The following ZNF804B variants were observed in gnomAD, a reference collection of about 807,000 sequenced individuals.
The protein encoded by ZNF804B is zinc finger 804B.
ZNF804B carries 80 observed loss-of-function variants against 101.4 expected under a neutral mutation model. The observed-to-expected ratio is 0.79, with a 90% CI of 0.66 to 0.95. The LOEUF (loss-of-function observed/expected upper bound fraction) is 0.95, where lower values mean the gene tolerates loss of function less well. ZNF804B is among the 40% of genes least tolerant of loss of function. ZNF804B has a pLI of 0.00. For synonymous variants in ZNF804B, 622 were observed against 558.8 expected (o/e 1.11, Z -1.59); for missense variants, 1,673 against 1,561.9 (o/e 1.07, Z -1.20).
chr7:89,108,550 G>T (rs941212710), intron 1 of ZNF804B, among the ~76,000 whole-genome samples: 3 of 152,056 alleles, frequency 2.0e-5, no homozygotes, highest in Non-Finnish European at 4.4e-5. Flanking sequence ...CAATCTCACA[G>T]GTCATCTCTG....
intron 2 of ZNF804B, among the ~76,000 whole-genome samples, chr7:89,300,617 AAGTC>A (rs1790456989): frequency 6.6e-6 from 1 of 151,882 alleles, no homozygotes; most frequent in Non-Finnish European, 1.5e-5. Flanking sequence ...TCATAGAAAA[AAGTC>A]AGCATAGCTG....
Position 89,173,901 on chromosome 7 carries a change from A to G in ZNF804B, c.109-44254A>G, listed in dbSNP as rs545034026. Among the ~76,000 whole-genome samples the G allele has an allele frequency of 3.5e-4, 53 of 152,034 alleles. 2 individuals carry two copies. In the South Asian group the frequency reaches 0.01, roughly 30 times the overall value. Reference sequence around the variant, plus strand: ...TATTACAGAACTCTAACAATATTCTATTTATCTTTTTTAATGTTCAAATGA... The same window carrying G: ...TATTACAGAACTCTAACAATATTCTGTTTATCTTTTTTAATGTTCAAATGA... On this transcript the variant is annotated intron_variant, in intron 1 of 3. Coordinates refer to ENST00000333190, the MANE Select transcript of ZNF804B (RefSeq NM_181646.5).
chr7:89,228,169 T>C (rs1789124563), intron 2 of ZNF804B, among the ~76,000 whole-genome samples: 1 of 152,130 alleles, frequency 6.6e-6, no homozygotes, highest in Admixed American at 6.5e-5. Flanking sequence ...GTGGTCTCTC[T>C]GGCTCAGGAG....
intron 2 of ZNF804B, among the ~76,000 whole-genome samples, chr7:89,254,110 A>G (rs955028628): frequency 6.6e-6 from 1 of 152,026 alleles, no homozygotes; most frequent in African/African-American, 2.4e-5. Flanking sequence ...CTGTTATCAC[A>G]ATTTCTATTT....
chr7:88,923,186 A>G (rs1792749971), intron 1 of ZNF804B, among the ~76,000 whole-genome samples: 1 of 152,048 alleles, frequency 6.6e-6, no homozygotes, highest in South Asian at 2.1e-4. Flanking sequence ...ATAAAGGGAA[A>G]TGAGAGAGAG....
At chr7:88,779,738 A>T (rs920843229) in intron 1 of ZNF804B, among the ~76,000 whole-genome samples, 1 of 152,188 alleles carries the variant, frequency 6.6e-6, no homozygotes, top group South Asian at 2.1e-4. Flanking sequence ...CTTCTCTGAG[A>T]ATTGACTATT....
intron 1 of ZNF804B, among the ~76,000 whole-genome samples, chr7:88,905,159 G>A (rs142161520): frequency 6.6e-6 from 1 of 152,164 alleles, no homozygotes; most frequent in Non-Finnish European, 1.5e-5. Flanking sequence ...TATCATGAAG[G>A]GATGTTGGAT....
rs1461748779 is a variant in ZNF804B, at chr7:89,259,319, G to A, written c.249+41024G>A. The stretch of plus-strand genomic sequence containing the variant: ...CTGTTTTATTGTTGTGGTTGATTTA[G>A]TTTTGTTTTTGGTTTTTGCCACATC... On this transcript the variant is annotated intron_variant, in intron 2 of 3. Transcript: ENST00000333190. Among the ~76,000 whole-genome samples the A allele has an allele frequency of 2.6e-5, 4 of 152,126 alleles. No individual in the cohort carries two copies. In the East Asian group the frequency reaches 7.7e-4, roughly 29 times the overall value.
chr7:89,228,358 G>T (rs1789129480), intron 2 of ZNF804B, among the ~76,000 whole-genome samples: 1 of 152,150 alleles, frequency 6.6e-6, no homozygotes, highest in South Asian at 2.1e-4. Flanking sequence ...CTCTTATCTG[G>T]CCCCACCCAC....
rs1298069319 is a variant in ZNF804B, at chr7:89,334,971, A to AG, written c.1994dup (p.His666SerfsTer3). ...ACTGCAAGTCCAGTCCTTGTACAGT[A>AG]GGGGGTCACAGTGACCATGGGAAAG... is the stretch of plus-strand genomic sequence containing the variant. On this transcript the variant is annotated frameshift_variant, in exon 4 of 4. Coordinates refer to ENST00000333190, the MANE Select transcript of ZNF804B (RefSeq NM_181646.5). LOFTEE classifies it high-confidence loss of function. 6 of 1,613,810 alleles carry AG rather than the reference A, an allele frequency of 3.7e-6. No individual in the cohort carries two copies. Among genetic ancestry groups the AG allele is most frequent in the African/African-American group, 1.3e-5 (1 of 74,910 alleles).
chr7:89,236,279 C>T lies in ZNF804B; in HGVS notation c.249+17984C>T, dbSNP rs116409986. ...TAGATATCCAGATTTCATTTGGAAA[C>T]CAGTAGACTCTTGAGCATATGTAAT... On this transcript the variant is annotated intron_variant, in intron 2 of 3. Coordinates refer to ENST00000333190, the MANE Select transcript of ZNF804B (RefSeq NM_181646.5). Among the ~76,000 whole-genome samples, 1,486 of 152,088 alleles carry T rather than the reference C, an allele frequency of 9.8e-3. 29 individuals are homozygous for T. Among genetic ancestry groups the T allele is most frequent in the African/African-American group, 0.034 (1,403 of 41,472 alleles).
intron 1 of ZNF804B, among the ~76,000 whole-genome samples, chr7:89,009,843 T>A (rs776308774): frequency 2.6e-4 from 40 of 152,204 alleles, no homozygotes; most frequent in Admixed American, 3.3e-4. Context: ...AGTGTTATAC[T>A]ATTCTATGGT....
At chr7:89,206,270 T>TC (rs71526635) in intron 1 of ZNF804B, among the ~76,000 whole-genome samples, 18,090 of 151,386 alleles carry the variant, frequency 0.12, 1,153 homozygotes, top group Middle Eastern at 0.25. Flanking sequence ...GTTTTTCCCA[T>TC]GGCTTGGCGA....
intron 1 of ZNF804B, among the ~76,000 whole-genome samples, chr7:89,144,707 T>G (rs1790766364): frequency 6.6e-6 from 1 of 152,056 alleles, no homozygotes; most frequent in African/African-American, 2.4e-5. Flanking sequence ...ATGTTTTCAC[T>G]AAAAATTAAG....
chr7:89,108,033 A>G (rs1790161428), intron 1 of ZNF804B, among the ~76,000 whole-genome samples: 1 of 152,116 alleles, frequency 6.6e-6, no homozygotes, highest in Non-Finnish European at 1.5e-5. Context: ...CAGGAAGTCA[A>G]AGGGGGCTGA....
intron 1 of ZNF804B, among the ~76,000 whole-genome samples, chr7:88,854,539 C>CTTTCCTTTCCTTTCCTTTCT (rs377000803): frequency 1.4e-5 from 1 of 73,622 alleles, no homozygotes; most frequent in African/African-American, 7.5e-5. Flanking sequence ...TCCTTCCTTC[C>CTTTCCTTTCCTTTCCTTTCT]TTCCTTCCTT....
At chr7:89,205,025 C>T (rs1014409666) in intron 1 of ZNF804B, among the ~76,000 whole-genome samples, 25 of 152,148 alleles carry the variant, frequency 1.6e-4, no homozygotes, top group Admixed American at 4.6e-4. Context: ...ACAATCATGA[C>T]GAAAGGCGAA....
intron 1 of ZNF804B, among the ~76,000 whole-genome samples, chr7:89,171,521 G>A (rs535619005): frequency 5.9e-4 from 90 of 151,694 alleles, no homozygotes; most frequent in Middle Eastern, 6.8e-3. Flanking sequence ...TGCAATCTCT[G>A]CCTCCCGGGT....
intron 1 of ZNF804B, among the ~76,000 whole-genome samples, chr7:89,010,177 G>A (rs75296286): frequency 0.02 from 3,061 of 152,010 alleles, 115 homozygotes; most frequent in African/African-American, 0.07. Context: ...AATACATTGC[G>A]AAGCCTTACC....
Sources: allele counts gnomAD v4.1 joint callset (sites outside exome capture counted in the v4.1 genomes callset), GRCh38; gene constraint gnomAD v4.1.1; transcripts MANE v1.5; gene names NCBI Gene and HGNC (gene_info 2026-07-23, HGNC 2026-07-21).